CCDC91: variants seen among roughly 807,000 people sequenced by gnomAD.
The protein encoded by CCDC91 is coiled-coil domain-containing protein 91.
A neutral mutation model predicts 63.2 loss-of-function variants in CCDC91; 48 were observed. The observed-to-expected ratio is 0.76, with a 90% CI of 0.60 to 0.97. CCDC91 has a LOEUF of 0.97. CCDC91 is among the 50% of genes least tolerant of loss of function. CCDC91 has a pLI of 0.00. For missense variants in CCDC91, 500 were observed against 494.6 expected (o/e 1.01, Z -0.10); for synonymous variants, 167 against 165.8 (o/e 1.01, Z -0.06).
chr12:28,243,519 A>G (rs947724878), intron 1 of CCDC91, among the ~76,000 whole-genome samples: 10 of 152,216 alleles, frequency 6.6e-5, no homozygotes, highest in Admixed American at 6.5e-5. Context: ...TACCTCTCCT[A>G]TTAAAGTGGG....
chr12:28,497,770 T>C (rs991577379), intron 12 of CCDC91, among the ~76,000 whole-genome samples: 3 of 151,714 alleles, frequency 2.0e-5, no homozygotes, highest in African/African-American at 7.2e-5. Flanking sequence ...TTTACAAAAA[T>C]TTAAATGTAT....
chr12:28,472,417 G>C (rs1186625292), intron 11 of CCDC91, among the ~76,000 whole-genome samples: 1 of 151,952 alleles, frequency 6.6e-6, no homozygotes, highest in Admixed American at 6.6e-5. Flanking sequence ...ATATTATATA[G>C]GTGCTTATAT....
chr12:28,268,449 C>A (rs1231572911), intron 3 of CCDC91, among the ~76,000 whole-genome samples: 1 of 152,056 alleles, frequency 6.6e-6, no homozygotes, highest in East Asian at 1.9e-4. Flanking sequence ...AATCTCATGA[C>A]CATCTGTACT....
At chr12:28,292,968 G>C (rs1329659788) in intron 3 of CCDC91, among the ~76,000 whole-genome samples, 2 of 151,990 alleles carry the variant, frequency 1.3e-5, no homozygotes, top group East Asian at 3.9e-4. Context: ...TCTGGCAAAT[G>C]GTATATTTGT....
intron 8 of CCDC91, among the ~76,000 whole-genome samples, chr12:28,434,674 T>G (rs1375165065): frequency 1.4e-5 from 2 of 145,824 alleles, no homozygotes; most frequent in African/African-American, 5.0e-5. Flanking sequence ...GTATTCCCTC[T>G]GCTTCTATCT....
intron 6 of CCDC91, among the ~76,000 whole-genome samples, chr12:28,355,529 A>G (rs1291089934): frequency 6.6e-6 from 1 of 152,186 alleles, no homozygotes; most frequent in Non-Finnish European, 1.5e-5. Context: ...TTTCATCTTC[A>G]GGGTGATGAA....
chr12:28,260,542 T>C (rs1443408397), intron 3 of CCDC91, among the ~76,000 whole-genome samples: 1 of 151,974 alleles, frequency 6.6e-6, no homozygotes, highest in East Asian at 1.9e-4. Flanking sequence ...TACTAACTCC[T>C]ATGTTTTAAA....
chr12:28,388,948 C>A (rs1361842835), intron 7 of CCDC91, among the ~76,000 whole-genome samples: 1 of 152,086 alleles, frequency 6.6e-6, no homozygotes, highest in African/African-American at 2.4e-5. Context: ...TTGGCTTAGG[C>A]AAGGATTTCA....
At chr12:28,334,072 G>A (rs1345191850) in intron 6 of CCDC91, among the ~76,000 whole-genome samples, 4 of 151,994 alleles carry the variant, frequency 2.6e-5, no homozygotes, top group South Asian at 2.1e-4. Context: ...ATGTGTATGT[G>A]TATGTGTATG....
At chr12:28,546,935 CA>C (rs561102534) in intron 12 of CCDC91, among the ~76,000 whole-genome samples, 76 of 151,838 alleles carry the variant, frequency 5.0e-4, no homozygotes, top group Non-Finnish European at 9.3e-4. Flanking sequence ...TGAAAAACAA[CA>C]AAAAAGTTAG....
At chr12:28,338,610 T>C (rs114786811) in intron 6 of CCDC91, among the ~76,000 whole-genome samples, 2 of 152,012 alleles carry the variant, frequency 1.3e-5, no homozygotes, top group African/African-American at 4.8e-5. Flanking sequence ...TGGATTTTAC[T>C]CTTATTGACG....
intron 1 of CCDC91, among the ~76,000 whole-genome samples, chr12:28,199,302 A>C (rs1565594545): frequency 7.2e-6 from 1 of 138,426 alleles, no homozygotes. Context: ...AATCTATATT[A>C]ATTAATACTA....
intron 8 of CCDC91, among the ~76,000 whole-genome samples, chr12:28,396,712 CAT>C (rs1177444008): frequency 7.3e-5 from 11 of 151,066 alleles, no homozygotes; most frequent in Non-Finnish European, 1.3e-4. Context: ...GACACAAACA[CAT>C]ATATTTTATA....
intron 6 of CCDC91, among the ~76,000 whole-genome samples, chr12:28,356,944 C>A (rs1198317619): frequency 5.3e-5 from 8 of 152,158 alleles, no homozygotes; most frequent in Admixed American, 1.3e-4. Flanking sequence ...CCAAACACAT[C>A]AATTAAATGC....
At chr12:28,518,702 G>T (rs1248098574) in intron 12 of CCDC91, among the ~76,000 whole-genome samples, 2 of 151,838 alleles carry the variant, frequency 1.3e-5, no homozygotes, top group East Asian at 3.9e-4. Context: ...TTTGTTTTTG[G>T]GTTCTTGGTC....
intron 1 of CCDC91, among the ~76,000 whole-genome samples, chr12:28,234,405 TA>T (rs1166961798): frequency 6.6e-6 from 1 of 152,170 alleles, no homozygotes; most frequent in African/African-American, 2.4e-5. Flanking sequence ...AGAATTTTTT[TA>T]AAAAGCAAGT....
chr12:28,277,689 T>G (rs968302088), intron 3 of CCDC91, among the ~76,000 whole-genome samples: 8 of 152,036 alleles, frequency 5.3e-5, no homozygotes, highest in Non-Finnish European at 1.2e-4. Flanking sequence ...TTTTTCACTT[T>G]GATCAAGTAG....
intron 8 of CCDC91, among the ~76,000 whole-genome samples, chr12:28,394,837 G>C (rs1946192306): frequency 6.6e-6 from 1 of 151,954 alleles, no homozygotes; most frequent in Non-Finnish European, 1.5e-5. Flanking sequence ...TTGTCACTTA[G>C]GGCAAGTCTC....
chr12:28,484,927 T>G (rs1387770839), intron 12 of CCDC91, among the ~76,000 whole-genome samples: 2 of 151,016 alleles, frequency 1.3e-5, no homozygotes, highest in African/African-American at 4.9e-5. Context: ...ACATATTATA[T>G]AAATATATTT....
Sources: gnomAD v4.1 joint callset for allele counts (sites outside exome capture counted in the v4.1 genomes callset) on GRCh38, gnomAD v4.1.1 for gene constraint, MANE v1.5 for transcripts, NCBI Gene and HGNC (gene_info 2026-07-23, HGNC 2026-07-21) for gene names.